The following MTHFD1L variants were observed in gnomAD, a reference collection of about 807,000 sequenced individuals.
The protein encoded by MTHFD1L is methylenetetrahydrofolate dehydrogenase (NADP+ dependent) 1 like, also known as monofunctional C1-tetrahydrofolate synthase, mitochondrial.
A neutral mutation model predicts 119.5 loss-of-function variants in MTHFD1L; 81 were observed. The observed-to-expected ratio is 0.68, with a 90% CI of 0.57 to 0.82. The LOEUF (loss-of-function observed/expected upper bound fraction) is 0.82, where lower values mean the gene tolerates loss of function less well. Among genes scored for constraint, MTHFD1L ranks in the 40% least tolerant of loss-of-function variants. The pLI is 0.00. For missense variants in MTHFD1L, 1,125 were observed against 1,253.4 expected (o/e 0.90, Z 1.55); for synonymous variants, 430 against 475.2 (o/e 0.90, Z 1.24).
At chr6:151,069,446 C>T (rs1791717159) in intron 26 of MTHFD1L, among the ~76,000 whole-genome samples, 1 of 152,128 alleles carries the variant, frequency 6.6e-6, no homozygotes, top group Non-Finnish European at 1.5e-5. Flanking sequence ...AGAATCCATA[C>T]AGTGGATTCT....
intron 1 of MTHFD1L, among the ~76,000 whole-genome samples, chr6:150,868,232 C>G (rs765433780): frequency 2.0e-5 from 3 of 152,076 alleles, no homozygotes; most frequent in Non-Finnish European, 4.4e-5. Context: ...AGTAACAGTA[C>G]TTACCTCAAG....
intron 17 of MTHFD1L, among the ~76,000 whole-genome samples, chr6:150,958,665 T>G: frequency 6.6e-6 from 1 of 152,174 alleles, no homozygotes; most frequent in East Asian, 1.9e-4. Flanking sequence ...ACACCTACTA[T>G]ATACCTAAAA....
At chr6:150,955,111 A>G (rs759049070) in intron 16 of MTHFD1L, among the ~76,000 whole-genome samples, 2 of 152,148 alleles carry the variant, frequency 1.3e-5, no homozygotes, top group Admixed American at 6.6e-5. Context: ...TGATTGCACT[A>G]TCATCACTAT....
intron 8 of MTHFD1L, among the ~76,000 whole-genome samples, chr6:150,908,932 A>G (rs1344153618): frequency 6.6e-6 from 1 of 152,168 alleles, no homozygotes; most frequent in African/African-American, 2.4e-5. Flanking sequence ...TAAGATGAGA[A>G]GAACTTTTAA....
intron 5 of MTHFD1L, among the ~76,000 whole-genome samples, chr6:150,885,200 T>G (rs78843111): frequency 7.3e-5 from 2 of 27,576 alleles, no homozygotes; most frequent in South Asian, 7.5e-4. Context: ...TTTTTATGGG[T>G]TTTTTTTTTT....
chr6:150,978,841 G>A (rs1332210424), intron 20 of MTHFD1L, among the ~76,000 whole-genome samples: 1 of 152,140 alleles, frequency 6.6e-6, no homozygotes, highest in Non-Finnish European at 1.5e-5. Context: ...GACAGAGGAC[G>A]TGACCTGAGG....
rs747506492 is a variant in MTHFD1L at position 151,063,585 on chromosome 6, C to T, written c.2847+26468C>T. Among the ~76,000 whole-genome samples, 5 of 152,242 alleles carry T rather than the reference C, an allele frequency of 3.3e-5. No homozygotes were observed. The East Asian group carries it at 5.8e-4, about 18-fold the overall frequency. ...AATGTGTCTTATGCAGATGTAAGGG[C>T]GGTTTGCTTATTTCCCTGTTCAAAA... On this transcript the variant is annotated intron_variant, in intron 26 of 27. Coordinates refer to ENST00000367321, the MANE Select transcript of MTHFD1L (RefSeq NM_015440.5).
intron 26 of MTHFD1L, among the ~76,000 whole-genome samples, chr6:151,084,047 A>G (rs529044396): frequency 1.3e-5 from 2 of 152,326 alleles, no homozygotes; most frequent in East Asian, 3.9e-4. Flanking sequence ...GTCCCGAAAT[A>G]CAAGAAATTC....
At chr6:151,076,801 G>C (rs1339396922) in intron 26 of MTHFD1L, among the ~76,000 whole-genome samples, 2 of 152,126 alleles carry the variant, frequency 1.3e-5, no homozygotes, top group East Asian at 3.9e-4. Context: ...AAGTGCACCT[G>C]CCATATAGTC....
At chr6:150,930,042 CATCAGT>C (rs1790762361) in intron 11 of MTHFD1L, among the ~76,000 whole-genome samples, 1 of 152,190 alleles carries the variant, frequency 6.6e-6, no homozygotes, top group African/African-American at 2.4e-5. Flanking sequence ...TGTAAACTGT[CATCAGT>C]ATCTAATCCC....
chr6:150,903,824 C>T (rs1785458227), intron 7 of MTHFD1L, among the ~76,000 whole-genome samples: 1 of 152,216 alleles, frequency 6.6e-6, no homozygotes, highest in Non-Finnish European at 1.5e-5. Flanking sequence ...GCAGGGAATA[C>T]TGTTTGGCTT....
intron 26 of MTHFD1L, among the ~76,000 whole-genome samples, chr6:151,049,253 A>T (rs900240043): frequency 6.6e-6 from 1 of 152,212 alleles, no homozygotes; most frequent in Non-Finnish European, 1.5e-5. Context: ...GCACTTTGGG[A>T]GGCCGAGGCA....
intron 5 of MTHFD1L, among the ~76,000 whole-genome samples, chr6:150,883,614 A>G (rs1781727338): frequency 6.6e-6 from 1 of 152,162 alleles, no homozygotes. Context: ...TACTTTTCTT[A>G]ATGACACAAG....
intron 20 of MTHFD1L, among the ~76,000 whole-genome samples, chr6:150,987,649 C>T (rs1222319857): frequency 1.3e-5 from 2 of 152,194 alleles, no homozygotes; most frequent in African/African-American, 4.8e-5. Context: ...GAGTGTCGGC[C>T]CCACAGCCTT....
At chr6:150,965,091 A>T (rs1583839082) in intron 19 of MTHFD1L, 54 bp downstream of exon 19, 1 of 1,500,048 alleles carries the variant, frequency 6.7e-7, no homozygotes, top group Admixed American at 1.7e-5. Flanking sequence ...TTGCCACACA[A>T]TGTGAACATT....
chr6:151,007,949 T>C (rs1781631314), intron 20 of MTHFD1L, among the ~76,000 whole-genome samples: 1 of 152,252 alleles, frequency 6.6e-6, no homozygotes, highest in African/African-American at 2.4e-5. Context: ...GGCTTGTAGC[T>C]ATATTTATCC....
chr6:150,936,962 G>A (rs973128165), intron 12 of MTHFD1L, 22 bp downstream of exon 12: 19 of 1,608,382 alleles, frequency 1.2e-5, no homozygotes, highest in Non-Finnish European at 1.6e-5. Flanking sequence ...AACAACTAGT[G>A]TACTTTTCAG....
chr6:151,064,794 TTTTTTG>T (rs1791051879), intron 26 of MTHFD1L, among the ~76,000 whole-genome samples: 1 of 150,084 alleles, frequency 6.7e-6, no homozygotes. Flanking sequence ...TTTTTGTTTT[TTTTTTG>T]TTTTTTTGTT....
intron 1 of MTHFD1L, among the ~76,000 whole-genome samples, chr6:150,874,072 C>G (rs929465022): frequency 6.6e-6 from 1 of 152,092 alleles, no homozygotes; most frequent in African/African-American, 2.4e-5. Flanking sequence ...AAATAAGAAC[C>G]CAGCATAGCC....
Sources: gnomAD v4.1 joint callset for allele counts (sites outside exome capture counted in the v4.1 genomes callset) on GRCh38, gnomAD v4.1.1 for gene constraint, MANE v1.5 for transcripts, NCBI Gene and HGNC (gene_info 2026-07-23, HGNC 2026-07-21) for gene names.